The following STMN1 variants were observed in gnomAD, a reference collection of about 807,000 sequenced individuals.
STMN1 encodes stathmin.
A neutral mutation model predicts 19.7 loss-of-function variants in STMN1; 3 were observed. The ratio of observed to expected loss-of-function variants is 0.15; its 90% confidence interval spans 0.07 to 0.39. The LOEUF is 0.39. STMN1 is among the 10% of genes least tolerant of loss of function. The pLI, the probability that STMN1 is intolerant of heterozygous loss-of-function variation, is 1.00. For missense variants in STMN1, 99 were observed against 176.0 expected (o/e 0.56, Z 2.48); for synonymous variants, 59 against 58.9 (o/e 1.00, Z -0.01).
intron 4 of STMN1, among the ~76,000 whole-genome samples, chr1:25,895,099 CTTTTT>C (rs34587140): frequency 1.2e-4 from 14 of 113,388 alleles, no homozygotes; most frequent in Non-Finnish European, 2.0e-4. Flanking sequence ...TATTATACGT[CTTTTT>C]TTTTTTTTTT....
chr1:25,890,774 G>A (rs989203634), intron 4 of STMN1, among the ~76,000 whole-genome samples: 2 of 152,172 alleles, frequency 1.3e-5, no homozygotes, highest in African/African-American at 4.8e-5. Context: ...CCTGCTAGGC[G>A]AGCGTATCCA....
At chr1:25,902,526 A>G (rs1340634127) in intron 3 of STMN1, 6 of 152,252 alleles carry the variant, frequency 3.9e-5, no homozygotes, top group Non-Finnish European at 1.5e-5. Context: ...TGACCCCTTC[A>G]ACAGAACAGC....
At chr1:25,892,554 CG>C in intron 4 of STMN1, 7 of 983,574 alleles carry the variant, frequency 7.1e-6, no homozygotes, top group Non-Finnish European at 8.4e-6. Context: ...GATGCCACCA[CG>C]GCTGAGCCGC....
chr1:25,891,840 C>G (rs1262106972), intron 4 of STMN1, among the ~76,000 whole-genome samples: 4 of 152,148 alleles, frequency 2.6e-5, no homozygotes, highest in Non-Finnish European at 4.4e-5. Flanking sequence ...AAATGGCAGG[C>G]TGGGGAGACC....
intron 4 of STMN1, among the ~76,000 whole-genome samples, chr1:25,888,242 C>A (rs2048741762): frequency 1.3e-5 from 2 of 152,142 alleles, no homozygotes; most frequent in South Asian, 4.2e-4. Flanking sequence ...TTGCTAACAT[C>A]ACGAGTGGGT....
At chr1:25,890,127 A>G (rs2048759739) in intron 4 of STMN1, among the ~76,000 whole-genome samples, 1 of 152,148 alleles carries the variant, frequency 6.6e-6, no homozygotes, top group Non-Finnish European at 1.5e-5. Flanking sequence ...AGGTGTATTC[A>G]TTCAATGAAT....
At chr1:25,904,181 G>A (rs2048910000) in intron 2 of STMN1, among the ~76,000 whole-genome samples, 2 of 152,086 alleles carry the variant, frequency 1.3e-5, no homozygotes, top group South Asian at 4.2e-4. Flanking sequence ...GGTGGGTGTG[G>A]TGGCCCATGT....
At chr1:25,893,879 G>A (rs371929628) in intron 4 of STMN1, among the ~76,000 whole-genome samples, 1 of 152,186 alleles carries the variant, frequency 6.6e-6, no homozygotes, top group African/African-American at 2.4e-5. Context: ...TCAGTGGCCA[G>A]GAGAATGGTG....
chr1:25,885,282 C>T (rs159528), downstream of STMN1: 72,501 of 154,328 alleles, frequency 0.47, 18,869 homozygotes, highest in South Asian at 0.74. Context: ...ATCCCTGTGA[C>T]CCCTTCCCGT....
In STMN1 at chr1:25,900,445, G is replaced by T. The variant is rs542102404; in HGVS notation, c.*571C>A. On this transcript the variant is annotated 3_prime_UTR_variant, in exon 5 of 5. Transcript: ENST00000455785. ...TGGGGCAAGAAACGGGGCAGAGAACGTGCGGTCATTTGTGCGTTGGGTATT... is the reference window on the plus strand; with the variant it reads ...TGGGGCAAGAAACGGGGCAGAGAACTTGCGGTCATTTGTGCGTTGGGTATT... 6.1e-6 allele frequency: 6 copies of T among 985,876 alleles called. No homozygotes were observed. The highest frequency in any genetic ancestry group is 7.2e-6 in the Non-Finnish European group (6 of 829,982). 61.1% of individuals were successfully genotyped at this position (985,876 alleles called of 1,614,324 possible). A position where few individuals can be genotyped will look rare whatever the true frequency, so the allele number is the denominator to read the frequency against.
Position 25,894,912 on chromosome 1 carries a change from C to CT in STMN1, c.378+6578dup, listed in dbSNP as rs1557479765. Among the ~76,000 whole-genome samples, 4 of 151,922 alleles carry CT rather than the reference C, an allele frequency of 2.6e-5. No individual in the cohort carries two copies. The East Asian group carries it at 5.8e-4, about 22-fold the overall frequency. On this transcript the variant is annotated intron_variant, in intron 4 of 4. Coordinates refer to the STMN1 transcript ENST00000426559. ...TTTTAGAAATTCTACCTCCAAAGGT[C>CT]TGAGGGTCCTGAGTCTCATATTTTG...
chr1:25,895,341 C>A (rs112624921), downstream of STMN1, among the ~76,000 whole-genome samples: 247 of 151,612 alleles, frequency 1.6e-3, 2 homozygotes, highest in African/African-American at 5.7e-3. Context: ...TTCCTGACCT[C>A]GTGATCTGCC....
chr1:25,885,818 C>A lies in STMN1; in HGVS notation c.430G>T (p.Glu144Ter), dbSNP rs1418980172. 8 of 1,551,736 alleles carry A rather than the reference C, an allele frequency of 5.2e-6. No individual in the cohort carries two copies. The Admixed American group carries it at 1.4e-4, about 27-fold the overall frequency. The change falls in exon 5 of 5, where the codon GAG becomes TAG. Residue 144 changes from glutamate (E) to a stop codon, truncating the protein, a stop_gained. Transcript: ENST00000426559. LOFTEE classifies it low-confidence loss of function (END_TRUNC). ...GGAACAGAGTGGAGACAAGATTGCT[C>A]AGCAGAGATCTGTGCTGGGTGGGCC... is the stretch of plus-strand genomic sequence containing the variant.
chr1:25,906,209 A>AG lies in STMN1; in HGVS notation c.-63+179dup, dbSNP rs1450942593. 6.6e-6 allele frequency: 1 copy of AG among 152,064 alleles called. No homozygotes were observed. The highest frequency in any genetic ancestry group is 1.5e-5 in the Non-Finnish European group (1 of 68,022). The allele number at this position is 152,064 out of a possible 1,614,324, so 9.4% of individuals were successfully genotyped here. Reference sequence around the variant, plus strand: ...CCCCCGGAGAGCGGGGACAAAGGCGAGGCTCCGCCCGAGCCACACACAAAG... The same window carrying AG: ...CCCCCGGAGAGCGGGGACAAAGGCGAGGGCTCCGCCCGAGCCACACACAAAG... On this transcript the variant is annotated intron_variant, in intron 1 of 4. Transcript: ENST00000455785. This position sits in a 1 kb window ranked among gnomAD's most constrained non-coding sequence, Gnocchi z 4.5.
At chr1:25,888,497 C>T (rs372021377) in intron 4 of STMN1, among the ~76,000 whole-genome samples, 10 of 152,262 alleles carry the variant, frequency 6.6e-5, no homozygotes, top group East Asian at 1.9e-4. Flanking sequence ...AATGAATAAA[C>T]GACTGAACTC....
chr1:25,906,550 C>G (rs1326387592), upstream of STMN1: 1 of 152,576 alleles, frequency 6.6e-6, no homozygotes, highest in African/African-American at 2.4e-5. The surrounding 1 kb of genome is among the most constrained non-coding windows in gnomAD (Gnocchi z 4.5). Context: ...GGAGCGCCGC[C>G]CCCCGGGACC....
intron 2 of STMN1, among the ~76,000 whole-genome samples, chr1:25,904,353 AAAAC>A (rs1328522088): frequency 4.6e-5 from 7 of 152,340 alleles, no homozygotes; most frequent in African/African-American, 1.7e-4. Context: ...ATCTCCCAGA[AAAAC>A]AAAGCTCAAC....
downstream of STMN1, among the ~76,000 whole-genome samples, chr1:25,896,362 C>T (rs907009823): frequency 8.5e-5 from 13 of 152,146 alleles, no homozygotes; most frequent in African/African-American, 2.9e-4. Context: ...TGGGGACTTC[C>T]CCATCCCAGT....
At chr1:25,903,530 T>A in intron 3 of STMN1, 111 bp downstream of exon 3, 1 of 1,391,124 alleles carries the variant, frequency 7.2e-7, no homozygotes. Context: ...CACTGGCATA[T>A]GTAATAATCA....
Sources: allele counts gnomAD v4.1 joint callset (sites outside exome capture counted in the v4.1 genomes callset), GRCh38; gene constraint gnomAD v4.1.1; non-coding constraint Gnocchi (gnomAD v3.1); transcripts MANE v1.5; gene names NCBI Gene and HGNC (gene_info 2026-07-23, HGNC 2026-07-21).